Variants in RORA observed in about 807,000 individuals in gnomAD.
The protein encoded by RORA is nuclear receptor ROR-alpha.
RORA carries 7 observed loss-of-function variants against 69.5 expected under a neutral mutation model. That is an observed-to-expected ratio of 0.10 (90% CI 0.06 to 0.19). The LOEUF (loss-of-function observed/expected upper bound fraction) is 0.19. Among genes scored for constraint, RORA ranks in the 10% least tolerant of loss-of-function variants. The pLI, the probability that RORA is intolerant of heterozygous loss-of-function variation, is 1.00. For synonymous variants in RORA, 261 were observed against 240.8 expected (o/e 1.08, Z -0.78); for missense variants, 457 against 663.0 (o/e 0.69, Z 3.41).
intron 1 of RORA, among the ~76,000 whole-genome samples, chr15:60,806,544 G>A (rs1293744320): frequency 6.6e-6 from 1 of 152,194 alleles, no homozygotes; most frequent in Non-Finnish European, 1.5e-5. Flanking sequence ...CAGTGGTAAT[G>A]AGAAAAATGG....
chr15:60,791,563 A>G (rs1292822936), intron 1 of RORA, among the ~76,000 whole-genome samples: 1 of 152,234 alleles, frequency 6.6e-6, no homozygotes, highest in Admixed American at 6.5e-5. Flanking sequence ...GAAATAAGTC[A>G]GAAAAGGAAC....
At chr15:60,802,917 T>C (rs2072606577) in intron 1 of RORA, among the ~76,000 whole-genome samples, 1 of 152,106 alleles carries the variant, frequency 6.6e-6, no homozygotes, top group Non-Finnish European at 1.5e-5. Context: ...GGAAAACCCT[T>C]ACATGTCCTA....
At chr15:60,751,884 G>T (rs573429914) in intron 1 of RORA, among the ~76,000 whole-genome samples, 36 of 152,126 alleles carry the variant, frequency 2.4e-4, no homozygotes, top group Non-Finnish European at 4.3e-4. Context: ...TCCAAGTAAG[G>T]ATGGGACTTT....
intron 1 of RORA, among the ~76,000 whole-genome samples, chr15:61,064,069 A>T (rs1439984467): frequency 6.6e-6 from 1 of 152,222 alleles, no homozygotes; most frequent in Admixed American, 6.5e-5. Flanking sequence ...GTCAACCTCG[A>T]GGGCAGCTGT....
intron 1 of RORA, among the ~76,000 whole-genome samples, chr15:60,742,489 G>C (rs565938649): frequency 2.0e-5 from 3 of 152,248 alleles, no homozygotes; most frequent in Admixed American, 2.0e-4. Flanking sequence ...CATCATTTTT[G>C]TGATGAGAAT....
At chr15:60,727,733 C>T (rs1255101736) in intron 1 of RORA, among the ~76,000 whole-genome samples, 1 of 152,124 alleles carries the variant, frequency 6.6e-6, no homozygotes, top group African/African-American at 2.4e-5. Context: ...CATGAACCGG[C>T]CATCGCTCTT....
At chr15:61,081,006 C>T (rs1395938012) in intron 1 of RORA, among the ~76,000 whole-genome samples, 1 of 152,212 alleles carries the variant, frequency 6.6e-6, no homozygotes, top group Non-Finnish European at 1.5e-5. Flanking sequence ...GGTCCAGAGA[C>T]ATTTTGCACA....
At chr15:60,995,293 G>A (rs977390052) in intron 1 of RORA, among the ~76,000 whole-genome samples, 1 of 152,146 alleles carries the variant, frequency 6.6e-6, no homozygotes, top group African/African-American at 2.4e-5. Context: ...AGCACTCCGG[G>A]TACAGAGGCT....
chr15:60,883,497 C>G (rs1220016844), intron 1 of RORA, among the ~76,000 whole-genome samples: 3 of 150,958 alleles, frequency 2.0e-5, no homozygotes, highest in Non-Finnish European at 4.4e-5. Context: ...TGTTGATCTC[C>G]CCATTAAACT....
rs77521825 is a variant in RORA, at chr15:60,761,229, C to T, written c.167-82543G>A. ...CCAGCCTGTACACCAAAGACACTTC[C>T]CACTCACCAGTTGTGGCTGTGTGCT... is the stretch of plus-strand genomic sequence containing the variant. On this transcript the variant is annotated intron_variant, in intron 1 of 10. Coordinates refer to ENST00000335670, the MANE Select transcript of RORA (RefSeq NM_134261.3). Among the ~76,000 whole-genome samples the T allele has an allele frequency of 9.9e-5, 15 of 152,274 alleles. 1 individual carries two copies. In the East Asian group the frequency reaches 2.3e-3, roughly 23 times the overall value.
intron 1 of RORA, among the ~76,000 whole-genome samples, chr15:60,827,558 C>A (rs975189716): frequency 1.3e-5 from 2 of 152,228 alleles, no homozygotes; most frequent in Non-Finnish European, 2.9e-5. Flanking sequence ...CTGAACCACA[C>A]TGCATGGCCA....
At chr15:61,090,580 A>G (rs796722087) in intron 1 of RORA, among the ~76,000 whole-genome samples, 24 of 152,344 alleles carry the variant, frequency 1.6e-4, no homozygotes, top group African/African-American at 5.8e-4. Flanking sequence ...AAGCTATACA[A>G]TAAAGTCAGC....
chr15:61,081,562 C>T (rs1470516489), intron 1 of RORA, among the ~76,000 whole-genome samples: 1 of 152,132 alleles, frequency 6.6e-6, no homozygotes, highest in African/African-American at 2.4e-5. Context: ...AATCCCAGCA[C>T]TTTGGGAGGC....
intron 1 of RORA, among the ~76,000 whole-genome samples, chr15:60,938,590 G>A (rs1892597593): frequency 6.6e-6 from 1 of 152,106 alleles, no homozygotes; most frequent in Non-Finnish European, 1.5e-5. Flanking sequence ...CTACACCCTG[G>A]ATACAGGTAC....
chr15:60,715,969 C>A (rs747790200), intron 1 of RORA, among the ~76,000 whole-genome samples: 1 of 152,192 alleles, frequency 6.6e-6, no homozygotes, highest in Non-Finnish European at 1.5e-5. Flanking sequence ...AATGATCTTA[C>A]GCTACACTAG....
At chr15:60,690,124 G>A (rs373586087) in intron 1 of RORA, among the ~76,000 whole-genome samples, 34 of 152,158 alleles carry the variant, frequency 2.2e-4, no homozygotes, top group African/African-American at 8.0e-4. Flanking sequence ...ATAATACTCT[G>A]GGGTCCTCCA....
At chr15:60,969,709 T>C (rs1174429865) in intron 1 of RORA, among the ~76,000 whole-genome samples, 1 of 152,180 alleles carries the variant, frequency 6.6e-6, no homozygotes, top group African/African-American at 2.4e-5. Flanking sequence ...TACACGATGG[T>C]GGTACTGCCT....
chr15:60,876,666 G>A (rs1016662929), intron 1 of RORA, among the ~76,000 whole-genome samples: 7 of 151,922 alleles, frequency 4.6e-5, no homozygotes, highest in African/African-American at 1.7e-4. Context: ...ACCATTTCCA[G>A]GTAATTTTCA....
rs181081215 is a variant in RORA, at chr15:60,936,998, A to G, written c.167-258312T>C. Among the ~76,000 whole-genome samples, 125 of 152,298 alleles carry G rather than the reference A, an allele frequency of 8.2e-4. 1 individual carries two copies. Among genetic ancestry groups the G allele is most frequent in the African/African-American group, 2.7e-3 (114 of 41,562 alleles). On this transcript the variant is annotated intron_variant, in intron 1 of 10. Transcript: ENST00000335670. ...AGGTCTTATATTTTTTTTTAATCCAATGATAACAACTGCAAACATTTACTT... is the reference window on the plus strand; with the variant it reads ...AGGTCTTATATTTTTTTTTAATCCAGTGATAACAACTGCAAACATTTACTT...
Sources: gnomAD v4.1 joint callset for allele counts (sites outside exome capture counted in the v4.1 genomes callset) on GRCh38, gnomAD v4.1.1 for gene constraint, MANE v1.5 for transcripts, NCBI Gene and HGNC (gene_info 2026-07-23, HGNC 2026-07-21) for gene names.